ASCC3: variants seen among roughly 807,000 people sequenced by gnomAD.
ASCC3 encodes activating signal cointegrator 1 complex subunit 3, also known as ASC-1 complex subunit P200.
In ASCC3, 158 loss-of-function variants were observed where a neutral mutation model predicts 256.3. That is an observed-to-expected ratio of 0.62 (90% CI 0.54 to 0.70). The LOEUF (loss-of-function observed/expected upper bound fraction) is 0.70. ASCC3 is among the 30% of genes least tolerant of loss of function. The pLI is 0.00. For missense variants in ASCC3, 2,259 were observed against 2,626.0 expected, an observed-to-expected ratio of 0.86 and a Z score of 3.05; for synonymous variants, 948 against 883.4, an observed-to-expected ratio of 1.07 and a Z score of -1.30.
chr6:100,787,058 C>A (rs1214397395), intron 8 of ASCC3, among the ~76,000 whole-genome samples: 1 of 152,082 alleles, frequency 6.6e-6, no homozygotes, highest in African/African-American at 2.4e-5. Flanking sequence ...ATCCCAGATG[C>A]CTGCCTCCTG....
intron 2 of ASCC3, among the ~76,000 whole-genome samples, chr6:100,864,763 T>G (rs1453978638): frequency 6.6e-6 from 1 of 152,204 alleles, no homozygotes; most frequent in Non-Finnish European, 1.5e-5. Context: ...TCTTTTCTAT[T>G]AGGTGGCTTA....
At chr6:100,772,750 A>G (rs1003495496) in intron 8 of ASCC3, among the ~76,000 whole-genome samples, 6 of 152,204 alleles carry the variant, frequency 3.9e-5, no homozygotes, top group Non-Finnish European at 8.8e-5. Flanking sequence ...TCAGAGACCC[A>G]AGTTAAAATA....
chr6:100,586,404 C>G (rs1025794919), intron 36 of ASCC3, among the ~76,000 whole-genome samples: 6 of 152,198 alleles, frequency 3.9e-5, no homozygotes, highest in African/African-American at 1.4e-4. Context: ...GAGATATAAT[C>G]TCCTGATGCG....
At chr6:100,871,560 AG>A (rs1773744018) in intron 1 of ASCC3, among the ~76,000 whole-genome samples, 1 of 152,146 alleles carries the variant, frequency 6.6e-6, no homozygotes, top group African/African-American at 2.4e-5. Flanking sequence ...TGAGGCCAGG[AG>A]TTTGAGACCA....
intron 14 of ASCC3, among the ~76,000 whole-genome samples, chr6:100,664,355 T>C (rs1195219306): frequency 1.3e-5 from 2 of 152,098 alleles, no homozygotes; most frequent in Non-Finnish European, 2.9e-5. Flanking sequence ...TTTAAACTTC[T>C]AAGTTAATAA....
In ASCC3 at chr6:100,715,520, T is replaced by C. The variant is rs1779048575; in HGVS notation, c.2093A>G (p.Asn698Ser). ...TTCATAACATACTTCATCCATGTTA[T>C]TCAACTGCTGCATCTTGAAGATTTT... Reference protein sequence around the residue: ...IKCANKMQQLNNMDEVCYENV... With the variant: ...IKCANKMQQLSNMDEVCYENV... Residue 698 changes from asparagine to serine, a missense_variant, in exon 13 of 42, where the codon AAT (asparagine) becomes AGT (serine). Asn to Ser is a conservative substitution (Grantham distance 46). Transcript: ENST00000369162. 1.2e-6 allele frequency: 2 copies of C among 1,610,566 alleles called. No individual in the cohort carries two copies. The highest frequency in any genetic ancestry group is 1.7e-5 in the Admixed American group (1 of 59,892).
rs186075167 is a variant in ASCC3 at position 100,642,078 on chromosome 6, A to G, written c.3901+503T>C. Among the ~76,000 whole-genome samples the G allele has an allele frequency of 2.6e-3, 390 of 152,016 alleles. 1 individual carries two copies. The highest frequency in any genetic ancestry group is 8.4e-3 in the African/African-American group (348 of 41,440). Reference sequence around the variant, plus strand: ...ACCTAATGTTAAATGACGAGTTAATAGGTGCAGCACGCCAACATGGCACAT... The same window carrying G: ...ACCTAATGTTAAATGACGAGTTAATGGGTGCAGCACGCCAACATGGCACAT... On this transcript the variant is annotated intron_variant, in intron 24 of 41. Transcript: ENST00000369162.
chr6:100,662,044 A>G lies in ASCC3; in HGVS notation c.2479-14T>C. Reference sequence around the variant, plus strand: ...TATTTGTGTTCCCTAGATGAGGAAAAGTTAACAAAAATTTACATAAACACA... The same window carrying G: ...TATTTGTGTTCCCTAGATGAGGAAAGGTTAACAAAAATTTACATAAACACA... On this transcript the variant is annotated splice_polypyrimidine_tract_variant and intron_variant, in intron 15 of 41. Transcript: ENST00000369162. The G allele has an allele frequency of 1.2e-6, 2 of 1,608,832 alleles. No individual in the cohort carries two copies.
chr6:100,641,968 A>T (rs1038144615), intron 24 of ASCC3, among the ~76,000 whole-genome samples: 3 of 148,354 alleles, frequency 2.0e-5, no homozygotes, highest in African/African-American at 7.4e-5. Context: ...AACAATGAGA[A>T]CACATGGACA....
intron 26 of ASCC3, among the ~76,000 whole-genome samples, chr6:100,630,327 A>G (rs1774472341): frequency 6.6e-6 from 1 of 152,168 alleles, no homozygotes; most frequent in African/African-American, 2.4e-5. Flanking sequence ...TATTTTGAAT[A>G]TGGACTATAT....
intron 37 of ASCC3, chr6:100,530,526 G>C: frequency 1.3e-6 from 1 of 784,694 alleles, no homozygotes; most frequent in Non-Finnish European, 2.4e-6. Flanking sequence ...AATTGGAATA[G>C]ATGGTATATA....
At chr6:100,585,814 T>C (rs556273402) in intron 36 of ASCC3, among the ~76,000 whole-genome samples, 117 of 152,356 alleles carry the variant, frequency 7.7e-4, no homozygotes, top group African/African-American at 2.5e-3. Flanking sequence ...GACCCTCAGC[T>C]GCAGGTCTGT....
rs934883626 is a variant in ASCC3, at chr6:100,808,484, A to G, written c.802-2604T>C. Among the ~76,000 whole-genome samples, 9 of 152,080 alleles carry G rather than the reference A, an allele frequency of 5.9e-5. No individual in the cohort carries two copies. In the South Asian group the frequency reaches 1.0e-3, roughly 17 times the overall value. On this transcript the variant is annotated intron_variant, in intron 4 of 41. Transcript: ENST00000369162. ...TATTCTCTTTTCTAACTGTGTATCT[A>G]TGTGAGCCTGGATTCCCTTTGTAGG...
intron 30 of ASCC3, among the ~76,000 whole-genome samples, chr6:100,608,131 T>C (rs1356999383): frequency 7.8e-6 from 1 of 127,858 alleles, no homozygotes; most frequent in African/African-American, 2.9e-5. Flanking sequence ...TATATACATA[T>C]ATATGTATAT....
chr6:100,804,331 CTT>C (rs1044976845), intron 5 of ASCC3, among the ~76,000 whole-genome samples: 45 of 152,058 alleles, frequency 3.0e-4, no homozygotes, highest in African/African-American at 1.1e-3. Flanking sequence ...ATTCTTGTAA[CTT>C]TAAGTTTGAA....
intron 37 of ASCC3, among the ~76,000 whole-genome samples, chr6:100,526,481 A>G (rs1225491133): frequency 6.6e-6 from 1 of 152,202 alleles, no homozygotes; most frequent in Non-Finnish European, 1.5e-5. Flanking sequence ...CCCAGAGGGA[A>G]AACAGCCTTC....
Position 100,638,771 on chromosome 6 carries a change from A to G in ASCC3, c.3952T>C (p.Tyr1318His). 1 of 1,614,146 alleles carries G rather than the reference A, an allele frequency of 6.2e-7. No individual in the cohort carries two copies. The highest frequency in any genetic ancestry group is 8.5e-7 in the Non-Finnish European group (1 of 1,179,998). ...LPITALGCKA[Y>H]EALYNFSHFN... ...TGGCTGAAGTTGTACAGGGCTTCATATGCTTTACATCCCAAAGCTGTGATT... is the reference window on the plus strand; with the variant it reads ...TGGCTGAAGTTGTACAGGGCTTCATGTGCTTTACATCCCAAAGCTGTGATT... Residue 1318 changes from tyrosine to histidine, a missense_variant, in exon 25 of 42, where the codon TAT becomes CAT. Coordinates refer to ENST00000369162, the MANE Select transcript of ASCC3 (RefSeq NM_006828.4).
chr6:100,750,424 T>C (rs924840960), intron 10 of ASCC3, among the ~76,000 whole-genome samples: 8 of 151,970 alleles, frequency 5.3e-5, no homozygotes, highest in African/African-American at 1.7e-4. Flanking sequence ...ATCAATAAAG[T>C]TTAATTTTTA....
At chr6:100,600,627 A>T (rs1420220264) in intron 34 of ASCC3, among the ~76,000 whole-genome samples, 1 of 152,120 alleles carries the variant, frequency 6.6e-6, no homozygotes, top group Non-Finnish European at 1.5e-5. Context: ...AGATTTAGTA[A>T]GAACATTTTC....
Sources: allele counts gnomAD v4.1 joint callset (sites outside exome capture counted in the v4.1 genomes callset), GRCh38; gene constraint gnomAD v4.1.1; transcripts MANE v1.5; gene names NCBI Gene and HGNC (gene_info 2026-07-23, HGNC 2026-07-21).